The following PHKB variants were observed in gnomAD, a reference collection of about 807,000 sequenced individuals.
The protein encoded by PHKB is phosphorylase b kinase regulatory subunit beta.
Under a neutral mutation model 152.1 loss-of-function variants are expected in PHKB, and 122 were observed. The observed-to-expected ratio is 0.80, with a 90% confidence interval of 0.69 to 0.93. The LOEUF (loss-of-function observed/expected upper bound fraction) is 0.93. PHKB is among the 40% of genes least tolerant of loss of function. The probability of loss-of-function intolerance (pLI) is 0.00; values close to 1 mark genes in which losing one functional copy is unlikely to be tolerated. For synonymous variants in PHKB, 436 were observed against 464.9 expected (o/e 0.94, Z 0.80); for missense variants, 1,304 against 1,328.4 (o/e 0.98, Z 0.29).
intron 1 of PHKB, among the ~76,000 whole-genome samples, chr16:47,482,369 C>A (rs1969977564): frequency 6.6e-6 from 1 of 152,146 alleles, no homozygotes; most frequent in African/African-American, 2.4e-5. Context: ...TAGTTTTATT[C>A]TGGTTTTTAT....
chr16:47,688,838 C>T (rs544283231), intron 26 of PHKB, among the ~76,000 whole-genome samples: 2 of 152,120 alleles, frequency 1.3e-5, no homozygotes, highest in Non-Finnish European at 2.9e-5. Flanking sequence ...ACCACCTGTG[C>T]AAGGGCAGGC....
At chr16:47,500,960 TCAAA>T (rs1374173137) in intron 3 of PHKB, among the ~76,000 whole-genome samples, 2 of 152,154 alleles carry the variant, frequency 1.3e-5, no homozygotes, top group African/African-American at 4.8e-5. Flanking sequence ...AAAAAGAAAA[TCAAA>T]CACTGAGATA....
At chr16:47,560,372 G>A (rs535484000) in intron 7 of PHKB, among the ~76,000 whole-genome samples, 23 of 152,196 alleles carry the variant, frequency 1.5e-4, no homozygotes, top group Admixed American at 5.9e-4. Context: ...CTATGTTTAT[G>A]TAATCTATGT....
At chr16:47,664,860 T>A (rs1960113425) in intron 24 of PHKB, 25 bp from the exon 25 acceptor site, 1 of 1,540,576 alleles carries the variant, frequency 6.5e-7, no homozygotes, top group Admixed American at 1.7e-5. Flanking sequence ...TTTTCCCTTT[T>A]ATGGCTTTCC....
Position 47,496,730 on chromosome 16 carries a change from G to C in PHKB, c.77-669G>C, listed in dbSNP as rs150285673. On this transcript the variant is annotated intron_variant, in intron 1 of 30. Transcript: ENST00000323584. Reference sequence around the variant, plus strand: ...AACAATTTTCTATATCCATTTTGTGGCAAATTATCATGATTATTGTGTATT... The same window carrying C: ...AACAATTTTCTATATCCATTTTGTGCCAAATTATCATGATTATTGTGTATT... 6.4e-4 allele frequency among the ~76,000 whole-genome samples: 97 copies of C among 152,306 alleles called. 1 individual carries two copies. The highest frequency in any genetic ancestry group is 2.1e-3 in the African/African-American group (87 of 41,582).
chr16:47,522,457 G>T (rs981753267), intron 6 of PHKB, among the ~76,000 whole-genome samples: 2 of 151,360 alleles, frequency 1.3e-5, no homozygotes, highest in Admixed American at 1.3e-4. Flanking sequence ...CTAGCTAAAG[G>T]TTTATTGATT....
At chr16:47,468,319 C>A (rs548854500) in intron 1 of PHKB, among the ~76,000 whole-genome samples, 1 of 152,340 alleles carries the variant, frequency 6.6e-6, no homozygotes, top group Non-Finnish European at 1.5e-5. Flanking sequence ...CAGCTCATGT[C>A]ACTTTCCTGC....
At chr16:47,527,123 C>T (rs1487019157) in intron 6 of PHKB, among the ~76,000 whole-genome samples, 3 of 152,066 alleles carry the variant, frequency 2.0e-5, no homozygotes, top group South Asian at 2.1e-4. Flanking sequence ...GTGAGTTACT[C>T]GCCTCTAACC....
In PHKB at chr16:47,533,361, G is replaced by T. The variant is rs1223520196; in HGVS notation, c.595-14072G>T. Among the ~76,000 whole-genome samples the T allele has an allele frequency of 2.6e-5, 4 of 152,250 alleles. No homozygotes were observed. In the East Asian group the frequency reaches 7.8e-4, roughly 30 times the overall value. ...TGGCAGTCCAGCCGCCAGCCTTCAG[G>T]CCCTCCCTGGCCTGAAAGTGGGGCC... On this transcript the variant is annotated intron_variant, in intron 6 of 30. Transcript: ENST00000323584.
At chr16:47,481,796 A>T (rs1969967989) in intron 1 of PHKB, among the ~76,000 whole-genome samples, 3 of 152,234 alleles carry the variant, frequency 2.0e-5, no homozygotes, top group Non-Finnish European at 2.9e-5. Flanking sequence ...TAGCTCAGAG[A>T]GAGCCCAGGT....
intron 13 of PHKB, among the ~76,000 whole-genome samples, chr16:47,597,261 G>C (rs552339095): frequency 6.6e-6 from 1 of 152,130 alleles, no homozygotes. Flanking sequence ...ACTGCCTACT[G>C]TATAAAATAC....
intron 14 of PHKB, among the ~76,000 whole-genome samples, chr16:47,629,104 T>C (rs1972770698): frequency 6.6e-6 from 1 of 152,196 alleles, no homozygotes; most frequent in Non-Finnish European, 1.5e-5. Flanking sequence ...ATTCAGGACA[T>C]AGGCATGGGC....
At chr16:47,539,094 C>T (rs527763981) in intron 6 of PHKB, among the ~76,000 whole-genome samples, 2 of 152,100 alleles carry the variant, frequency 1.3e-5, no homozygotes, top group East Asian at 1.9e-4. Context: ...AATAAAGGAA[C>T]GTTATTAACT....
intron 1 of PHKB, among the ~76,000 whole-genome samples, chr16:47,487,429 A>T (rs199697944): frequency 0.038 from 2,738 of 71,486 alleles, 80 homozygotes; most frequent in African/African-American, 0.098. Flanking sequence ...ATATATATAT[A>T]TTTTTTTTTT....
chr16:47,606,112 C>A (rs1362457246), intron 13 of PHKB, among the ~76,000 whole-genome samples: 1 of 152,210 alleles, frequency 6.6e-6, no homozygotes, highest in Non-Finnish European at 1.5e-5. Context: ...GTGGCTCTGG[C>A]AGACTCTGCT....
At chr16:47,544,690 T>G in intron 6 of PHKB, among the ~76,000 whole-genome samples, 1 of 152,190 alleles carries the variant, frequency 6.6e-6, no homozygotes, top group East Asian at 1.9e-4. Flanking sequence ...CCGTGGGGTG[T>G]TAAAGTCTCC....
intron 14 of PHKB, among the ~76,000 whole-genome samples, chr16:47,620,082 G>C (rs1041641153): frequency 3.3e-5 from 5 of 152,184 alleles, no homozygotes; most frequent in Non-Finnish European, 7.3e-5. Flanking sequence ...GCAATAGCCA[G>C]CCAGGAATTG....
chr16:47,674,765 G>A (rs1973697090), intron 26 of PHKB, among the ~76,000 whole-genome samples: 1 of 152,206 alleles, frequency 6.6e-6, no homozygotes, highest in African/African-American at 2.4e-5. Context: ...CAGTGAATAT[G>A]CACTGAACCC....
At chr16:47,660,844 G>T (rs142322189) in intron 22 of PHKB, 25 bp downstream of exon 22, 1 of 1,612,092 alleles carries the variant, frequency 6.2e-7, no homozygotes, top group East Asian at 2.2e-5. Flanking sequence ...CTTCCCACAT[G>T]GCCCTAAGTG....
Sources: allele counts gnomAD v4.1 joint callset (sites outside exome capture counted in the v4.1 genomes callset), GRCh38; gene constraint gnomAD v4.1.1; transcripts MANE v1.5; gene names NCBI Gene and HGNC (gene_info 2026-07-23, HGNC 2026-07-21).